SEMA5A: variants seen among roughly 807,000 people sequenced by gnomAD.
The protein encoded by SEMA5A is semaphorin-5A.
SEMA5A carries 55 observed loss-of-function variants against 135.5 expected under a neutral mutation model. That is an observed-to-expected ratio of 0.41 (90% CI 0.33 to 0.51). The LOEUF (loss-of-function observed/expected upper bound fraction) is 0.51. SEMA5A is among the 20% of genes least tolerant of loss of function. The pLI is 0.37. For missense variants in SEMA5A, 1,290 were observed against 1,419.9 expected (o/e 0.91, Z 1.47); for synonymous variants, 580 against 546.5 (o/e 1.06, Z -0.85).
At chr5:9,327,272 C>A (rs940568320) in intron 4 of SEMA5A, among the ~76,000 whole-genome samples, 1 of 152,080 alleles carries the variant, frequency 6.6e-6, no homozygotes, top group African/African-American at 2.4e-5. Flanking sequence ...TCAGAATTTT[C>A]TCTACCCTCC....
At position 9,380,849 on chromosome 5, in the gene SEMA5A, C is replaced by T. The variant is rs144712174; in HGVS notation, c.-77-826G>A. Among the ~76,000 whole-genome samples, 191 of 152,132 alleles carry T rather than the reference C, an allele frequency of 1.3e-3. 1 individual carries two copies. The highest frequency in any genetic ancestry group is 4.1e-3 in the African/African-American group (171 of 41,518). ...GACTGCTACAGAGAAGGATCTATGA[C>T]GGGTCCATGCAGGGGCTCAAATCTG... On this transcript the variant is annotated intron_variant, in intron 2 of 22. Coordinates refer to ENST00000382496, the MANE Select transcript of SEMA5A (RefSeq NM_003966.3).
chr5:9,235,219 CTG>C (rs373242386), intron 6 of SEMA5A, among the ~76,000 whole-genome samples: 38 of 152,162 alleles, frequency 2.5e-4, no homozygotes, highest in Admixed American at 6.5e-4. Flanking sequence ...AGGGAGTTAA[CTG>C]TTAATTTTTA....
chr5:9,399,649 T>A (rs980632089), intron 2 of SEMA5A, among the ~76,000 whole-genome samples: 9 of 152,156 alleles, frequency 5.9e-5, no homozygotes, highest in Admixed American at 2.6e-4. Flanking sequence ...TATTAAAAAA[T>A]AATTTCCAAC....
chr5:9,271,147 C>A (rs1749953440), intron 5 of SEMA5A, among the ~76,000 whole-genome samples: 1 of 152,048 alleles, frequency 6.6e-6, no homozygotes, highest in Non-Finnish European at 1.5e-5. Context: ...CTCATGAGAT[C>A]TGATGGTTTA....
At chr5:9,072,419 C>T (rs1857776) in intron 16 of SEMA5A, among the ~76,000 whole-genome samples, 118,191 of 152,172 alleles carry the variant, frequency 0.78, 46,126 homozygotes, top group East Asian at 0.95. Flanking sequence ...TCACCCATCA[C>T]GATTTCAATT....
chr5:9,066,329 AG>A, intron 17 of SEMA5A, 91 bp downstream of exon 17: 2 of 1,235,420 alleles, frequency 1.6e-6, no homozygotes, highest in Non-Finnish European at 2.4e-6. Context: ...ATAACCAAAA[AG>A]GAAAATGCCC....
intron 9 of SEMA5A, among the ~76,000 whole-genome samples, chr5:9,198,928 G>T (rs2150362783): frequency 6.6e-6 from 1 of 152,266 alleles, no homozygotes; most frequent in South Asian, 2.1e-4. Context: ...TGAGCCCCCT[G>T]CTAAGCACTT....
chr5:9,198,625 G>C (rs1418261110), intron 9 of SEMA5A, among the ~76,000 whole-genome samples: 2 of 152,188 alleles, frequency 1.3e-5, no homozygotes, highest in African/African-American at 4.8e-5. Context: ...ACAAGGCTCA[G>C]CATGATGCAT....
intron 10 of SEMA5A, among the ~76,000 whole-genome samples, chr5:9,195,936 G>A (rs548830268): frequency 6.6e-6 from 1 of 152,244 alleles, no homozygotes; most frequent in Non-Finnish European, 1.5e-5. Flanking sequence ...GAGGACCGAG[G>A]TTGGAATCCT....
intron 5 of SEMA5A, among the ~76,000 whole-genome samples, chr5:9,263,117 G>A (rs1749493214): frequency 6.6e-6 from 1 of 150,704 alleles, no homozygotes; most frequent in South Asian, 2.1e-4. Flanking sequence ...TGCAATATTT[G>A]TATTTGAAGA....
In SEMA5A at chr5:9,104,348, G is replaced by A. The variant is rs562931515; in HGVS notation, c.2073+3792C>T. ...AAAGTTATTTTATGATGTAATACAGGATTTCAGGCAATCATTAAATATTAA... is the reference window on the plus strand; with the variant it reads ...AAAGTTATTTTATGATGTAATACAGAATTTCAGGCAATCATTAAATATTAA... On this transcript the variant is annotated intron_variant, in intron 16 of 22. Transcript: ENST00000382496. 2.0e-5 allele frequency among the ~76,000 whole-genome samples: 3 copies of A among 152,250 alleles called. No individual in the cohort carries two copies. The South Asian group carries it at 6.2e-4, about 32-fold the overall frequency.
At chr5:9,222,307 C>T (rs565507001) in intron 8 of SEMA5A, among the ~76,000 whole-genome samples, 1 of 152,194 alleles carries the variant, frequency 6.6e-6, no homozygotes, top group Admixed American at 6.5e-5. Context: ...TCAGGGTCAA[C>T]TAGGAGTGGA....
chr5:9,450,482 C>T (rs960743562), intron 1 of SEMA5A, among the ~76,000 whole-genome samples: 11 of 152,078 alleles, frequency 7.2e-5, no homozygotes, highest in African/African-American at 2.7e-4. Context: ...ACAGTCCTCA[C>T]TTTTGCTGTC....
At chr5:9,341,960 A>C (rs1393169776) in intron 3 of SEMA5A, among the ~76,000 whole-genome samples, 2 of 151,996 alleles carry the variant, frequency 1.3e-5, no homozygotes, top group Admixed American at 1.3e-4. Context: ...TTAATAATCC[A>C]GTCTTACAAC....
At chr5:9,046,265 G>A (rs968688374) in intron 21 of SEMA5A, among the ~76,000 whole-genome samples, 37 of 152,304 alleles carry the variant, frequency 2.4e-4, no homozygotes, top group African/African-American at 7.0e-4. Flanking sequence ...CCAGTGAGAC[G>A]ATTGGAGGTA....
intron 16 of SEMA5A, among the ~76,000 whole-genome samples, chr5:9,104,491 G>A (rs548074263): frequency 6.6e-6 from 1 of 152,266 alleles, no homozygotes; most frequent in African/African-American, 2.4e-5. Context: ...TCAAAATAGG[G>A]TTAAAAGGAA....
intron 16 of SEMA5A, among the ~76,000 whole-genome samples, chr5:9,093,247 G>T (rs560457959): frequency 3.2e-4 from 49 of 152,266 alleles, no homozygotes; most frequent in African/African-American, 9.6e-4. Context: ...CAATCAGATA[G>T]CTTCCCTCTT....
chr5:9,339,245 T>C (rs973037497), intron 3 of SEMA5A, among the ~76,000 whole-genome samples: 1 of 152,170 alleles, frequency 6.6e-6, no homozygotes, highest in Non-Finnish European at 1.5e-5. Context: ...TTATAGGGGC[T>C]TGTGGGGTTA....
At chr5:9,406,918 T>A (rs1409458288) in intron 2 of SEMA5A, among the ~76,000 whole-genome samples, 3 of 152,196 alleles carry the variant, frequency 2.0e-5, no homozygotes, top group African/African-American at 7.2e-5. Flanking sequence ...TAAGAGATTC[T>A]AGAATGAGGA....
Sources: allele counts gnomAD v4.1 joint callset (sites outside exome capture counted in the v4.1 genomes callset), GRCh38; gene constraint gnomAD v4.1.1; transcripts MANE v1.5; gene names NCBI Gene and HGNC (gene_info 2026-07-23, HGNC 2026-07-21).